Variants in ANKDD1B observed in about 807,000 individuals in gnomAD.
ANKDD1B encodes ankyrin repeat and death domain containing 1B.
ANKDD1B carries 57 observed loss-of-function variants against 59.7 expected under a neutral mutation model. The ratio of observed to expected loss-of-function variants is 0.95; its 90% CI spans 0.77 to 1.19. The LOEUF (loss-of-function observed/expected upper bound fraction) is 1.19, where lower values mean the gene tolerates loss of function less well. Among genes scored for constraint, ANKDD1B ranks in the 50% most tolerant of loss-of-function variants. ANKDD1B has a pLI of 0.00. For synonymous variants in ANKDD1B, 216 were observed against 239.5 expected (o/e 0.90, Z 0.91); for missense variants, 602 against 641.9 (o/e 0.94, Z 0.67).
intron 12 of ANKDD1B, among the ~76,000 whole-genome samples, chr5:75,668,033 A>G (rs934050851): frequency 2.0e-5 from 3 of 152,170 alleles, no homozygotes; most frequent in African/African-American, 7.2e-5. Flanking sequence ...CTTTTTTGTC[A>G]TTAATTAGGC....
In ANKDD1B at chr5:75,611,494, T is replaced by C. The variant is rs2112944630; in HGVS notation, c.-141T>C. The C allele has an allele frequency of 3.5e-6, 2 of 566,354 alleles. No individual in the cohort carries two copies. Among genetic ancestry groups the C allele is most frequent in the Non-Finnish European group, 5.2e-6 (2 of 381,008 alleles). The allele number at this position is 566,354 out of a possible 1,614,324, so 35.1% of individuals were successfully genotyped here. Reference sequence around the variant, plus strand: ...CCACAACAGAGAGCGGACTCGATCCTGCGCTCCGGCCGGGCTGACCTGCCT... The same window carrying C: ...CCACAACAGAGAGCGGACTCGATCCCGCGCTCCGGCCGGGCTGACCTGCCT... On this transcript the variant is annotated 5_prime_UTR_variant, in exon 1 of 14. Coordinates refer to ENST00000601380, the MANE Select transcript of ANKDD1B (RefSeq NM_001276713.2).
At chr5:75,636,045 C>G (rs903540942) in intron 7 of ANKDD1B, among the ~76,000 whole-genome samples, 163 bp downstream of exon 7, 1 of 152,238 alleles carries the variant, frequency 6.6e-6, no homozygotes, top group African/African-American at 2.4e-5. Context: ...TCCCACAGCA[C>G]TTCATTTGTT....
At chr5:75,635,231 C>T (rs1581139139) in intron 6 of ANKDD1B, 2 of 377,750 alleles carry the variant, frequency 5.3e-6, no homozygotes, top group East Asian at 8.7e-5. Context: ...AGTCGATAGA[C>T]CACATGGATT....
intron 10 of ANKDD1B, among the ~76,000 whole-genome samples, chr5:75,660,394 A>T (rs1775101151): frequency 6.6e-6 from 1 of 152,242 alleles, no homozygotes; most frequent in East Asian, 1.9e-4. Flanking sequence ...AACGTCTTCA[A>T]GGTTTATCTA....
intron 10 of ANKDD1B, 24 bp from the exon 11 acceptor site, chr5:75,663,370 A>T (rs1490171603): frequency 5.9e-6 from 9 of 1,519,952 alleles, no homozygotes; most frequent in South Asian, 1.2e-5. Context: ...TATCACCTGA[A>T]TTTTTTTTCT....
chr5:75,612,350 T>TCCGCCCCGCCCCCGCCCC (rs1773591573), intron 1 of ANKDD1B, among the ~76,000 whole-genome samples: 1 of 44,788 alleles, frequency 2.2e-5, no homozygotes, highest in South Asian at 7.8e-4. Context: ...GCCCCCGCCC[T>TCCGCCCCGCCCCCGCCCC]CCGCCCCGCG....
intron 9 of ANKDD1B, 106 bp from the exon 10 acceptor site, chr5:75,659,177 A>G (rs1775050723): frequency 1.3e-6 from 1 of 776,544 alleles, no homozygotes; most frequent in South Asian, 1.5e-5. Context: ...AGTATCCATT[A>G]AAAAATATAT....
At chr5:75,650,907 A>G (rs1203639848) in intron 7 of ANKDD1B, among the ~76,000 whole-genome samples, 1 of 152,190 alleles carries the variant, frequency 6.6e-6, no homozygotes, top group Non-Finnish European at 1.5e-5. Flanking sequence ...GGCTTACCTG[A>G]GCCCAATACC....
intron 2 of ANKDD1B, 145 bp from the exon 3 acceptor site, chr5:75,620,170 A>G (rs1223191482): frequency 1.7e-6 from 1 of 572,498 alleles, no homozygotes; most frequent in African/African-American, 1.9e-5. Context: ...CAATTCTCAT[A>G]ACTTTCAAAG....
At chr5:75,636,662 A>C (rs559501556) in intron 7 of ANKDD1B, among the ~76,000 whole-genome samples, 65 of 152,234 alleles carry the variant, frequency 4.3e-4, no homozygotes, top group Non-Finnish European at 8.2e-4. Context: ...AGTGGGGAGG[A>C]CCAGTCAGGT....
chr5:75,656,090 T>C lies in ANKDD1B; in HGVS notation c.959T>C (p.Leu320Ser). The change falls in exon 9 of 14, where the codon TTA becomes TCA. Residue 320 changes from leucine (L) to serine (S), a missense_variant. This residue lies in a region of ANKDD1B where 280 missense variants were observed against 319.8 expected (regional missense o/e 0.88). Transcript: ENST00000601380. ...AACCACATCACGGTTGTAAACAGTTTATTAAGTGCACAGCATGATATTGAC... is the reference window on the plus strand; with the variant it reads ...AACCACATCACGGTTGTAAACAGTTCATTAAGTGCACAGCATGATATTGAC... Reference protein sequence around the residue: ...INNHITVVNSLLSAQHDIDIL... With the variant: ...INNHITVVNSSLSAQHDIDIL... 1.3e-6 allele frequency: 2 copies of C among 1,528,422 alleles called. No individual in the cohort carries two copies. Among genetic ancestry groups the C allele is most frequent in the Non-Finnish European group, 1.8e-6 (2 of 1,140,098 alleles). The allele number at this position is 1,528,422 out of a possible 1,614,324, so 94.7% of individuals were successfully genotyped here.
chr5:75,611,900 C>T, intron 1 of ANKDD1B, 73 bp downstream of exon 1: 1 of 1,174,710 alleles, frequency 8.5e-7, no homozygotes. Context: ...GAGAAGGTAC[C>T]CAGAGCAGCA....
At chr5:75,626,511 T>C (rs979453347) in intron 5 of ANKDD1B, among the ~76,000 whole-genome samples, 1 of 152,200 alleles carries the variant, frequency 6.6e-6, no homozygotes, top group African/African-American at 2.4e-5. Context: ...GCTCAACAAA[T>C]CATTGCTGAA....
intron 10 of ANKDD1B, among the ~76,000 whole-genome samples, chr5:75,659,718 C>T (rs529155369): frequency 3.4e-4 from 52 of 152,232 alleles, no homozygotes; most frequent in African/African-American, 1.1e-3. Flanking sequence ...CATACTACCC[C>T]GCTTATATAT....
intron 11 of ANKDD1B, among the ~76,000 whole-genome samples, chr5:75,665,942 A>G (rs1775294531): frequency 6.6e-6 from 1 of 152,196 alleles, no homozygotes; most frequent in African/African-American, 2.4e-5. Flanking sequence ...TACATGAGAA[A>G]GGAAGTCCCA....
chr5:75,634,113 G>A (rs1205446385), intron 5 of ANKDD1B, among the ~76,000 whole-genome samples: 1 of 152,112 alleles, frequency 6.6e-6, no homozygotes, highest in Non-Finnish European at 1.5e-5. Context: ...CCAGCCTGAG[G>A]TATTCTGTTA....
chr5:75,611,711 A>G lies in ANKDD1B; in HGVS notation c.77A>G (p.Lys26Arg), dbSNP rs2112945426. The G allele has an allele frequency of 4.9e-6, 6 of 1,231,840 alleles. No individual in the cohort carries two copies. The highest frequency in any genetic ancestry group is 3.1e-4 in the Middle Eastern group (1 of 3,208). 76.3% of individuals were successfully genotyped at this position (1,231,840 alleles called of 1,614,324 possible). ...GLLLRAAAAA[K>R]GLREDLWGAA... Reference sequence around the variant, plus strand: ...CTGCTCCGGGCTGCTGCGGCCGCCAAGGGTCTCAGGGAAGACCTGTGGGGC... The same window carrying G: ...CTGCTCCGGGCTGCTGCGGCCGCCAGGGGTCTCAGGGAAGACCTGTGGGGC... The change falls in exon 1 of 14, where the codon AAG becomes AGG. Residue 26 changes from lysine (K) to arginine (R), a missense_variant. Transcript: ENST00000601380.
intron 7 of ANKDD1B, among the ~76,000 whole-genome samples, chr5:75,651,357 A>G (rs544092384): frequency 6.6e-6 from 1 of 152,354 alleles, no homozygotes; most frequent in East Asian, 1.9e-4. Flanking sequence ...CAATTCATTG[A>G]CTTTGTATTA....
intron 1 of ANKDD1B, 141 bp from the exon 2 acceptor site, chr5:75,616,663 G>A: frequency 2.1e-6 from 1 of 485,532 alleles, no homozygotes; most frequent in Non-Finnish European, 3.7e-6. Flanking sequence ...GTAAGATATT[G>A]AAGCGAAGTT....
Sources: gnomAD v4.1 joint callset for allele counts (sites outside exome capture counted in the v4.1 genomes callset) on GRCh38, gnomAD v4.1.1 for gene constraint, gnomAD v4.1.1 regional missense constraint, MANE v1.5 for transcripts, NCBI Gene and HGNC (gene_info 2026-07-23, HGNC 2026-07-21) for gene names.